PRKCB: variants seen among roughly 807,000 people sequenced by gnomAD.
PRKCB encodes the protein protein kinase C beta.
PRKCB carries 13 observed loss-of-function variants against 81.5 expected under a neutral mutation model. The observed-to-expected ratio is 0.16, with a 90% CI of 0.10 to 0.25. PRKCB has a LOEUF of 0.25. Among genes scored for constraint, PRKCB ranks in the 10% least tolerant of loss-of-function variants. PRKCB has a pLI of 1.00. For missense variants in PRKCB, 509 were observed against 875.7 expected, an observed-to-expected ratio of 0.58 and a Z score of 5.29; for synonymous variants, 335 against 321.4, an observed-to-expected ratio of 1.04 and a Z score of -0.45.
intron 2 of PRKCB, among the ~76,000 whole-genome samples, chr16:23,957,269 T>C (rs901648412): frequency 6.6e-6 from 1 of 152,222 alleles, no homozygotes; most frequent in African/African-American, 2.4e-5. Flanking sequence ...GGAGTTTTTG[T>C]TCAAGGATTG....
intron 7 of PRKCB, among the ~76,000 whole-genome samples, chr16:24,110,195 C>A (rs149299448): frequency 0.036 from 5,195 of 144,636 alleles, 145 homozygotes; most frequent in Non-Finnish European, 0.053. Context: ...AGGGAGAGAG[C>A]GTCCCCAATC....
intron 2 of PRKCB, among the ~76,000 whole-genome samples, chr16:23,878,236 G>A (rs953471119): frequency 6.6e-6 from 1 of 152,154 alleles, no homozygotes; most frequent in Admixed American, 6.5e-5. Context: ...ACAAAGTTGG[G>A]TTCCTGTGAG....
intron 12 of PRKCB, among the ~76,000 whole-genome samples, chr16:24,180,483 G>A (rs893774650): frequency 8.5e-5 from 13 of 152,172 alleles, no homozygotes; most frequent in African/African-American, 2.4e-4. Context: ...TCCAAGAAGC[G>A]TCATGGATGC....
chr16:24,089,596 C>T (rs1400705253), intron 5 of PRKCB, among the ~76,000 whole-genome samples: 3 of 152,140 alleles, frequency 2.0e-5, no homozygotes, highest in East Asian at 1.9e-4. Context: ...TAGAGAGACC[C>T]CCACCTCTAC....
intron 5 of PRKCB, among the ~76,000 whole-genome samples, chr16:24,049,845 C>T (rs541725080): frequency 2.0e-5 from 3 of 152,306 alleles, no homozygotes; most frequent in Admixed American, 6.5e-5. Context: ...GCTTAGCCCA[C>T]GCCTGTGTAT....
Position 23,911,623 on chromosome 16 carries a change from G to A in PRKCB, c.205+74217G>A, listed in dbSNP as rs113277748. Among the ~76,000 whole-genome samples the A allele has an allele frequency of 1.5e-3, 231 of 152,150 alleles. 1 individual carries two copies. The highest frequency in any genetic ancestry group is 5.3e-3 in the African/African-American group (218 of 41,494). ...TGTGGACATGACAAACGTCATAAAC[G>A]TGGTTTGCAGTGATGGAAGAGTAGA... On this transcript the variant is annotated intron_variant, in intron 2 of 16. Transcript: ENST00000643927.
At chr16:24,043,900 C>T (rs892612318) in intron 5 of PRKCB, among the ~76,000 whole-genome samples, 2 of 152,256 alleles carry the variant, frequency 1.3e-5, no homozygotes, top group Non-Finnish European at 2.9e-5. Flanking sequence ...TTGACTCTCA[C>T]GTTTTCCTTT....
chr16:23,861,796 T>C (rs1432917875), intron 2 of PRKCB, among the ~76,000 whole-genome samples: 1 of 152,208 alleles, frequency 6.6e-6, no homozygotes, highest in African/African-American at 2.4e-5. Flanking sequence ...AAGCTGTAAA[T>C]GGCAGTGTAA....
intron 2 of PRKCB, among the ~76,000 whole-genome samples, chr16:23,874,118 G>T (rs1256978560): frequency 6.6e-6 from 1 of 152,158 alleles, no homozygotes; most frequent in Non-Finnish European, 1.5e-5. Flanking sequence ...ATAGTATTAG[G>T]CTAAATATTC....
chr16:24,140,023 G>A (rs1349275143), intron 9 of PRKCB, among the ~76,000 whole-genome samples: 5 of 152,206 alleles, frequency 3.3e-5, no homozygotes, highest in Non-Finnish European at 5.9e-5. Flanking sequence ...TAAACAGACT[G>A]TTAGAAGTCT....
intron 7 of PRKCB, among the ~76,000 whole-genome samples, chr16:24,102,996 T>C (rs1341389607): frequency 6.6e-6 from 1 of 152,118 alleles, no homozygotes; most frequent in Admixed American, 6.5e-5. Context: ...ACTGAGCCTC[T>C]TGAGTAGCCA....
At chr16:23,870,387 G>A (rs1384372713) in intron 2 of PRKCB, among the ~76,000 whole-genome samples, 3 of 152,182 alleles carry the variant, frequency 2.0e-5, no homozygotes, top group Non-Finnish European at 2.9e-5. Flanking sequence ...CATGTGGTAT[G>A]TGCCAGGTAC....
intron 2 of PRKCB, among the ~76,000 whole-genome samples, chr16:23,843,770 T>C (rs372543606): frequency 1.5e-5 from 2 of 131,070 alleles, no homozygotes; most frequent in East Asian, 2.2e-4. Context: ...AGATGCAGCA[T>C]GTTTATAGTG....
intron 2 of PRKCB, among the ~76,000 whole-genome samples, chr16:23,856,084 A>G (rs1028634603): frequency 7.9e-5 from 12 of 152,180 alleles, no homozygotes; most frequent in Admixed American, 2.6e-4. Flanking sequence ...ATCCAGATTC[A>G]TAGACTGTAC....
intron 16 of PRKCB, among the ~76,000 whole-genome samples, chr16:24,199,950 C>T (rs758592074): frequency 6.6e-6 from 1 of 152,136 alleles, no homozygotes; most frequent in Non-Finnish European, 1.5e-5. Flanking sequence ...ATAACACCAT[C>T]GAATGGTGTC....
At chr16:23,863,202 ATGTG>A (rs772755262) in intron 2 of PRKCB, among the ~76,000 whole-genome samples, 52,953 of 137,628 alleles carry the variant, frequency 0.38, 12,356 homozygotes, top group East Asian at 0.57. Context: ...ATACGTATAT[ATGTG>A]TATATATACA....
intron 8 of PRKCB, among the ~76,000 whole-genome samples, chr16:24,114,294 A>C (rs186520468): frequency 6.7e-6 from 1 of 150,054 alleles, no homozygotes; most frequent in Non-Finnish European, 1.5e-5. Flanking sequence ...AAGTAGACAG[A>C]GAAGTGATAT....
At chr16:24,040,507 T>C (rs1050970880) in intron 5 of PRKCB, among the ~76,000 whole-genome samples, 15 of 152,162 alleles carry the variant, frequency 9.9e-5, no homozygotes, top group Admixed American at 7.9e-4. Context: ...AAAGGGGTGA[T>C]TTTATGTTGG....
chr16:24,193,207 C>T (rs1967820789), intron 16 of PRKCB, among the ~76,000 whole-genome samples: 2 of 151,854 alleles, frequency 1.3e-5, no homozygotes, highest in Admixed American at 6.6e-5. Flanking sequence ...CTTTGGGAAG[C>T]CGAGGTGGGT....
Sources: gnomAD v4.1 joint callset for allele counts (sites outside exome capture counted in the v4.1 genomes callset) on GRCh38, gnomAD v4.1.1 for gene constraint, MANE v1.5 for transcripts, NCBI Gene and HGNC (gene_info 2026-07-23, HGNC 2026-07-21) for gene names.